The following SLC1A2 variants were observed in gnomAD, a reference collection of about 807,000 sequenced individuals.
The protein encoded by SLC1A2 is excitatory amino acid transporter 2.
Under a neutral mutation model 48.8 loss-of-function variants are expected in SLC1A2, and 15 were observed. That is an observed-to-expected ratio of 0.31 (90% CI 0.21 to 0.47). SLC1A2 has a LOEUF of 0.47. Among genes scored for constraint, SLC1A2 ranks in the 20% least tolerant of loss-of-function variants. The pLI, the probability that SLC1A2 is intolerant of heterozygous loss-of-function variation, is 0.99. For missense variants in SLC1A2, 502 were observed against 730.5 expected (o/e 0.69, Z 3.61); for synonymous variants, 279 against 272.6 (o/e 1.02, Z -0.23).
Position 35,419,049 on chromosome 11 carries a change from G to T in SLC1A2, c.-83C>A. On this transcript the variant is annotated 5_prime_UTR_variant, in exon 1 of 11. Coordinates refer to ENST00000278379, the MANE Select transcript of SLC1A2 (RefSeq NM_004171.4). The surrounding 1 kb of genome is among the most constrained non-coding windows in gnomAD (Gnocchi z 5.4). ...AAGCGGACGCCGGGGTGAGCGCGAA[G>T]TGCGGCCGGGAGCGGTATTTAAGAG... The T allele has an allele frequency of 1.5e-6, 2 of 1,307,382 alleles. No individual in the cohort carries two copies. Among genetic ancestry groups the T allele is most frequent in the Non-Finnish European group, 2.1e-6 (2 of 934,194 alleles). The allele number at this position is 1,307,382 out of a possible 1,614,324, so 81.0% of individuals were successfully genotyped here. A position where few individuals can be genotyped will look rare whatever the true frequency, so the allele number is the denominator to read the frequency against.
At chr11:35,415,090 C>A (rs1376304046) in intron 1 of SLC1A2, among the ~76,000 whole-genome samples, 1 of 152,188 alleles carries the variant, frequency 6.6e-6, no homozygotes, top group African/African-American at 2.4e-5. Flanking sequence ...CACACTGACC[C>A]AGAAATCTCA....
intron 4 of SLC1A2, among the ~76,000 whole-genome samples, chr11:35,311,303 G>T (rs560340230): frequency 7.8e-4 from 119 of 152,230 alleles, no homozygotes; most frequent in African/African-American, 2.7e-3. Flanking sequence ...GGGATTACAG[G>T]CATGCGCCAC....
chr11:35,348,482 T>C (rs926358437), intron 1 of SLC1A2, among the ~76,000 whole-genome samples: 1 of 151,802 alleles, frequency 6.6e-6, no homozygotes, highest in African/African-American at 2.4e-5. Context: ...ACTCCTGACA[T>C]AGATGGGAGG....
chr11:35,418,790 A>G lies in SLC1A2; in HGVS notation c.17+160T>C. 2 of 618,874 alleles carry G rather than the reference A, an allele frequency of 3.2e-6. 1 individual carries two copies. Among genetic ancestry groups the G allele is most frequent in the Non-Finnish European group, 5.8e-6 (2 of 341,924 alleles). 38.3% of individuals were successfully genotyped at this position (618,874 alleles called of 1,614,324 possible). ...TAAGCAGCAATCTCCAGGAAAGAAA[A>G]TCAATCCCCTCCCCACCATCCCATC... On this transcript the variant is annotated intron_variant, in intron 1 of 10. Coordinates refer to ENST00000278379, the MANE Select transcript of SLC1A2 (RefSeq NM_004171.4).
At chr11:35,330,833 A>C (rs1852402215) in intron 1 of SLC1A2, among the ~76,000 whole-genome samples, 1 of 152,230 alleles carries the variant, frequency 6.6e-6, no homozygotes, top group Non-Finnish European at 1.5e-5. Flanking sequence ...GAGCCTCCAG[A>C]AAAGAATGCA....
chr11:35,372,068 T>A (rs1328554642), intron 1 of SLC1A2, among the ~76,000 whole-genome samples: 2 of 152,136 alleles, frequency 1.3e-5, no homozygotes, highest in Non-Finnish European at 2.9e-5. Flanking sequence ...TGTCTGCAAC[T>A]ACCAAAAGGG....
At chr11:35,346,065 T>A (rs939195497) in intron 1 of SLC1A2, among the ~76,000 whole-genome samples, 1 of 152,144 alleles carries the variant, frequency 6.6e-6, no homozygotes, top group Non-Finnish European at 1.5e-5. Flanking sequence ...GTTCTTTTTT[T>A]TTTTCTTTAT....
intron 1 of SLC1A2, among the ~76,000 whole-genome samples, chr11:35,329,591 A>G (rs1036188328): frequency 1.3e-5 from 2 of 152,248 alleles, no homozygotes; most frequent in African/African-American, 4.8e-5. Flanking sequence ...TCCAAGCCCC[A>G]TCCCTGAATA....
intron 10 of SLC1A2, chr11:35,264,785 TAAGAAA>T (rs1286196428): frequency 1.3e-5 from 2 of 152,126 alleles, no homozygotes; most frequent in Non-Finnish European, 2.9e-5. Context: ...CCCACACAAA[TAAGAAA>T]AAGATAGTTG....
chr11:35,400,473 T>C (rs1222253907), intron 1 of SLC1A2, among the ~76,000 whole-genome samples: 5 of 152,188 alleles, frequency 3.3e-5, no homozygotes, highest in Non-Finnish European at 5.9e-5. Context: ...AATATACCAA[T>C]GTTAAAGGCA....
intron 1 of SLC1A2, among the ~76,000 whole-genome samples, chr11:35,412,980 G>T (rs1485073920): frequency 6.6e-6 from 1 of 152,064 alleles, no homozygotes; most frequent in East Asian, 1.9e-4. Context: ...AGTGCTTTGG[G>T]GGGTGGGGGG....
At chr11:35,414,245 A>C (rs1338406353) in intron 1 of SLC1A2, among the ~76,000 whole-genome samples, 1 of 152,248 alleles carries the variant, frequency 6.6e-6, no homozygotes. Context: ...ACTTTTTAAA[A>C]GAAAAACCAG....
chr11:35,322,837 T>TC, intron 1 of SLC1A2: 1 of 677,160 alleles, frequency 1.5e-6, no homozygotes, highest in Non-Finnish European at 2.7e-6. Flanking sequence ...ATCCAGGGTT[T>TC]CCCCCAGCTC....
At chr11:35,271,237 C>A (rs1850271380) in intron 9 of SLC1A2, among the ~76,000 whole-genome samples, 1 of 152,182 alleles carries the variant, frequency 6.6e-6, no homozygotes, top group South Asian at 2.1e-4. Flanking sequence ...GAGGGTGAAG[C>A]ATGTGACTCA....
chr11:35,411,850 T>C (rs1855472132), intron 1 of SLC1A2, among the ~76,000 whole-genome samples: 1 of 152,224 alleles, frequency 6.6e-6, no homozygotes, highest in Non-Finnish European at 1.5e-5. Context: ...TATGGTGACA[T>C]TTTCTTTTGA....
intron 1 of SLC1A2, among the ~76,000 whole-genome samples, chr11:35,375,731 C>T (rs1854205420): frequency 6.6e-6 from 1 of 152,178 alleles, no homozygotes; most frequent in Non-Finnish European, 1.5e-5. Context: ...GTCACTGGGC[C>T]TGGACTGGGA....
chr11:35,332,667 G>GT (rs558956035), intron 1 of SLC1A2, among the ~76,000 whole-genome samples: 32 of 152,140 alleles, frequency 2.1e-4, no homozygotes, highest in East Asian at 1.2e-3. Context: ...AAATGGCAGG[G>GT]TTTTTTTGCC....
At chr11:35,296,529 C>T (rs1851176947) in intron 6 of SLC1A2, among the ~76,000 whole-genome samples, 1 of 152,154 alleles carries the variant, frequency 6.6e-6, no homozygotes, top group Admixed American at 6.5e-5. Flanking sequence ...CCAGAGACTT[C>T]CTTTTGCAAG....
At chr11:35,384,656 T>A (rs1565293095) in intron 1 of SLC1A2, among the ~76,000 whole-genome samples, 1 of 152,236 alleles carries the variant, frequency 6.6e-6, no homozygotes, top group South Asian at 2.1e-4. Flanking sequence ...TGTGGCATAT[T>A]CACCAGTATC....
Sources: gnomAD v4.1 joint callset for allele counts (sites outside exome capture counted in the v4.1 genomes callset) on GRCh38, gnomAD v4.1.1 for gene constraint, Gnocchi (gnomAD v3.1) non-coding constraint, MANE v1.5 for transcripts, NCBI Gene and HGNC (gene_info 2026-07-23, HGNC 2026-07-21) for gene names.